Variants in CCSER1 observed in about 807,000 individuals in gnomAD.
The protein encoded by CCSER1 is coiled-coil serine rich protein 1.
Under a neutral mutation model 82.0 loss-of-function variants are expected in CCSER1, and 41 were observed. The observed-to-expected ratio is 0.50, with a 90% CI of 0.39 to 0.65. CCSER1 has a LOEUF of 0.65. Ranked by LOEUF, CCSER1 falls within the 30% of genes least tolerant of loss-of-function variation. The pLI is 0.00. For synonymous variants in CCSER1, 414 were observed against 383.9 expected (o/e 1.08, Z -0.92); for missense variants, 1,119 against 1,064.2 (o/e 1.05, Z -0.72).
intron 5 of CCSER1, among the ~76,000 whole-genome samples, chr4:90,622,013 C>A (rs1238422124): frequency 6.6e-6 from 1 of 152,188 alleles, no homozygotes; most frequent in Non-Finnish European, 1.5e-5. Context: ...GTTCATCTGG[C>A]TTTTCCTTTT....
chr4:91,034,995 AT>A (rs1741309161), intron 9 of CCSER1, among the ~76,000 whole-genome samples: 1 of 152,168 alleles, frequency 6.6e-6, no homozygotes, highest in African/African-American at 2.4e-5. Flanking sequence ...ATGTGCATGC[AT>A]TTATGTATGT....
chr4:90,423,381 A>G (rs1331774051), intron 4 of CCSER1, among the ~76,000 whole-genome samples: 1 of 151,958 alleles, frequency 6.6e-6, no homozygotes, highest in Non-Finnish European at 1.5e-5. Context: ...GCGTGCCACC[A>G]TGCCCGAATA....
intron 6 of CCSER1, among the ~76,000 whole-genome samples, chr4:90,714,138 CT>C (rs1741191391): frequency 6.6e-6 from 1 of 151,940 alleles, no homozygotes; most frequent in African/African-American, 2.4e-5. Flanking sequence ...CATCTTGGAT[CT>C]TTTCCTTTCA....
At chr4:91,218,646 CTGT>C (rs1737491099) in intron 10 of CCSER1, among the ~76,000 whole-genome samples, 1 of 152,346 alleles carries the variant, frequency 6.6e-6, no homozygotes, top group South Asian at 2.1e-4. Context: ...TTGGGCACAA[CTGT>C]TGTTCTTGTA....
intron 10 of CCSER1, among the ~76,000 whole-genome samples, chr4:91,444,153 C>A (rs1158523129): frequency 6.6e-6 from 1 of 151,940 alleles, no homozygotes. Flanking sequence ...AGATATTTTC[C>A]TTAGTCTTCA....
intron 10 of CCSER1, among the ~76,000 whole-genome samples, chr4:91,382,430 C>T (rs1293945029): frequency 6.6e-6 from 1 of 152,208 alleles, no homozygotes; most frequent in Non-Finnish European, 1.5e-5. Flanking sequence ...CTCAGCCTCG[C>T]TGCTGTCTTG....
chr4:90,692,723 C>A (rs1407784132), intron 6 of CCSER1, among the ~76,000 whole-genome samples: 1 of 151,712 alleles, frequency 6.6e-6, no homozygotes, highest in African/African-American at 2.4e-5. Flanking sequence ...ATAGGTTCTT[C>A]AATAAACATG....
At chr4:90,892,014 C>T (rs1723030468) in intron 8 of CCSER1, among the ~76,000 whole-genome samples, 1 of 152,076 alleles carries the variant, frequency 6.6e-6, no homozygotes, top group African/African-American at 2.4e-5. Context: ...CTCTTCCCCA[C>T]CTTCTTCATT....
chr4:91,168,909 C>T (rs564640612), intron 10 of CCSER1, among the ~76,000 whole-genome samples: 52 of 152,204 alleles, frequency 3.4e-4, no homozygotes, highest in East Asian at 2.5e-3. Flanking sequence ...CCCCCAACCC[C>T]GTGCTCTCTG....
chr4:90,136,038 G>A (rs1046122026), intron 1 of CCSER1, among the ~76,000 whole-genome samples: 1 of 152,156 alleles, frequency 6.6e-6, no homozygotes, highest in Non-Finnish European at 1.5e-5. Context: ...CTAAGTTCAT[G>A]ATGATATGAC....
chr4:91,165,701 G>A (rs1731973530), intron 10 of CCSER1, among the ~76,000 whole-genome samples: 1 of 152,252 alleles, frequency 6.6e-6, no homozygotes. Flanking sequence ...TGCGCTAGCA[G>A]TCAGCAAGGC....
At chr4:90,158,537 G>C (rs1305056669) in intron 1 of CCSER1, among the ~76,000 whole-genome samples, 1 of 152,164 alleles carries the variant, frequency 6.6e-6, no homozygotes, top group East Asian at 1.9e-4. Flanking sequence ...CCACCCAGTT[G>C]GAGCTTCCTG....
chr4:90,884,534 A>G (rs989557059), intron 8 of CCSER1, among the ~76,000 whole-genome samples: 3 of 152,164 alleles, frequency 2.0e-5, no homozygotes, highest in African/African-American at 7.2e-5. Flanking sequence ...AAAGTGGTAA[A>G]TTGGATAGCT....
chr4:91,538,698 C>CATATATTATATATATATATATAATATAT, intron 10 of CCSER1, among the ~76,000 whole-genome samples: 4,312 of 138,218 alleles, frequency 0.031, 237 homozygotes, highest in African/African-American at 0.11. Flanking sequence ...TATATATACA[C>CATATATTATATATATATATATAATATAT]ATATATATAT....
At chr4:90,560,349 G>A (rs1053911718) in intron 5 of CCSER1, among the ~76,000 whole-genome samples, 9 of 151,868 alleles carry the variant, frequency 5.9e-5, no homozygotes, top group African/African-American at 2.2e-4. Context: ...TGGAACTGTA[G>A]CCACTCTTTT....
At chr4:90,904,755 T>C (rs1341410862) in intron 8 of CCSER1, among the ~76,000 whole-genome samples, 1 of 152,104 alleles carries the variant, frequency 6.6e-6, no homozygotes, top group South Asian at 2.1e-4. Context: ...TTAGCCCAGA[T>C]ACTAGCAGTA....
At chr4:91,326,245 G>A (rs1348234375) in intron 10 of CCSER1, among the ~76,000 whole-genome samples, 2 of 152,142 alleles carry the variant, frequency 1.3e-5, no homozygotes, top group African/African-American at 4.8e-5. Context: ...GATGAAAGAG[G>A]TTTAATTGAC....
intron 10 of CCSER1, among the ~76,000 whole-genome samples, chr4:91,359,405 A>T (rs1467631071): frequency 6.6e-6 from 1 of 151,800 alleles, no homozygotes; most frequent in African/African-American, 2.4e-5. Flanking sequence ...AAAGCAACGT[A>T]AAACAATATG....
intron 6 of CCSER1, among the ~76,000 whole-genome samples, chr4:90,691,911 A>T (rs555720698): frequency 6.6e-6 from 1 of 151,708 alleles, no homozygotes; most frequent in East Asian, 1.9e-4. Context: ...GTCCATATGT[A>T]CTCAATAGAA....
Sources: gnomAD v4.1 joint callset for allele counts (sites outside exome capture counted in the v4.1 genomes callset) on GRCh38, gnomAD v4.1.1 for gene constraint, MANE v1.5 for transcripts, NCBI Gene and HGNC (gene_info 2026-07-23, HGNC 2026-07-21) for gene names.